SRPK2: variants seen among roughly 807,000 people sequenced by gnomAD.
The protein encoded by SRPK2 is SRSF protein kinase 2.
In SRPK2, 21 loss-of-function variants were observed where a neutral mutation model predicts 90.8. The observed-to-expected ratio is 0.23, with a 90% CI of 0.16 to 0.33. SRPK2 has a LOEUF of 0.33. Ranked by LOEUF, SRPK2 falls within the 10% of genes least tolerant of loss-of-function variation. The probability of loss-of-function intolerance (pLI) is 1.00; values close to 1 mark genes in which losing one functional copy is unlikely to be tolerated. For synonymous variants in SRPK2, 288 were observed against 311.1 expected, an observed-to-expected ratio of 0.93 and a Z score of 0.78; for missense variants, 620 against 869.0, an observed-to-expected ratio of 0.71 and a Z score of 3.60.
intron 11 of SRPK2, among the ~76,000 whole-genome samples, chr7:105,141,686 G>A (rs1317073892): frequency 1.3e-5 from 2 of 152,258 alleles, no homozygotes; most frequent in South Asian, 2.1e-4. Context: ...AAGAAGATAC[G>A]AATTTTAAAC....
At chr7:105,256,095 G>A (rs1260254439) in intron 2 of SRPK2, among the ~76,000 whole-genome samples, 1 of 152,148 alleles carries the variant, frequency 6.6e-6, no homozygotes, top group Admixed American at 6.5e-5. Context: ...GAAAAATCCA[G>A]AGACACACCT....
chr7:105,377,540 A>T (rs1321438953), intron 2 of SRPK2, among the ~76,000 whole-genome samples: 2 of 151,974 alleles, frequency 1.3e-5, no homozygotes, highest in Admixed American at 6.6e-5. Context: ...TGAAAAAAAA[A>T]AATACAAAAA....
intron 2 of SRPK2, among the ~76,000 whole-genome samples, chr7:105,352,133 C>T (rs1817271254): frequency 6.6e-6 from 1 of 152,124 alleles, no homozygotes; most frequent in Admixed American, 6.6e-5. Flanking sequence ...TAACTCTTCA[C>T]CACTGTTTCT....
intron 2 of SRPK2, among the ~76,000 whole-genome samples, chr7:105,255,015 TA>T (rs1803056006): frequency 6.6e-6 from 1 of 151,304 alleles, no homozygotes; most frequent in Non-Finnish European, 1.5e-5. Context: ...GATCTTAGAC[TA>T]AAACAAAAAA....
chr7:105,381,728 A>C (rs1360542079), intron 2 of SRPK2, among the ~76,000 whole-genome samples: 1 of 152,220 alleles, frequency 6.6e-6, no homozygotes, highest in Admixed American at 6.5e-5. Flanking sequence ...AATGTGTAAA[A>C]AAATAAGAAA....
rs573623496 is a variant in SRPK2 at position 105,171,757 on chromosome 7, T to C, written c.230-2492A>G. On this transcript the variant is annotated intron_variant, in intron 3 of 15. Transcript: ENST00000393651. ...AATCTCAAGGTGTATGACAACATTT[T>C]GGGCTAAATATATGAACTAAATGAT... Among the ~76,000 whole-genome samples the C allele has an allele frequency of 4.6e-5, 7 of 152,354 alleles. No homozygotes were observed. In the South Asian group the frequency reaches 1.4e-3, roughly 32 times the overall value.
Position 105,116,834 on chromosome 7 carries a change from A to T in SRPK2, c.*1004T>A, listed in dbSNP as rs1799675284. 2 of 152,242 alleles carry T rather than the reference A, an allele frequency of 1.3e-5. No homozygotes were observed. Among genetic ancestry groups the T allele is most frequent in the Non-Finnish European group, 1.5e-5 (1 of 68,032 alleles). 9.4% of individuals were successfully genotyped at this position (152,242 alleles called of 1,614,324 possible). ...CTGTTATCTTTGAGCTGTGAGAAGT[A>T]TTCTGCCCACTGCACTGCAAATTGT... On this transcript the variant is annotated 3_prime_UTR_variant, in exon 16 of 16. Transcript: ENST00000393651.
At chr7:105,286,420 T>TC (rs1403603122) in intron 2 of SRPK2, among the ~76,000 whole-genome samples, 2 of 152,234 alleles carry the variant, frequency 1.3e-5, no homozygotes, top group African/African-American at 4.8e-5. Context: ...ATATTAACTG[T>TC]CCATAAAGAA....
chr7:105,157,273 G>C (rs542524839), intron 7 of SRPK2, among the ~76,000 whole-genome samples: 2 of 152,160 alleles, frequency 1.3e-5, no homozygotes, highest in Non-Finnish European at 2.9e-5. Context: ...AGAATGACTG[G>C]AACATGGTCG....
chr7:105,357,274 T>C (rs1365883876), intron 2 of SRPK2, among the ~76,000 whole-genome samples: 1 of 151,994 alleles, frequency 6.6e-6, no homozygotes, highest in Non-Finnish European at 1.5e-5. Flanking sequence ...CTCCTGACCT[T>C]GTGATCCGCC....
chr7:105,254,230 T>C (rs1039352614), intron 2 of SRPK2, among the ~76,000 whole-genome samples: 2 of 152,174 alleles, frequency 1.3e-5, no homozygotes, highest in East Asian at 3.8e-4. Flanking sequence ...TTTACTAGAG[T>C]AAAGACCTAA....
intron 2 of SRPK2, among the ~76,000 whole-genome samples, chr7:105,318,917 A>G (rs1812601017): frequency 6.6e-6 from 1 of 152,188 alleles, no homozygotes; most frequent in African/African-American, 2.4e-5. Flanking sequence ...AAGAATAGAG[A>G]GTCACAAATC....
intron 1 of SRPK2, among the ~76,000 whole-genome samples, chr7:105,397,809 A>G (rs62484719): frequency 6.6e-6 from 1 of 151,308 alleles, no homozygotes; most frequent in East Asian, 1.9e-4. Flanking sequence ...ATGCCCTGCT[A>G]ATTTTTTTTT....
intron 2 of SRPK2, among the ~76,000 whole-genome samples, chr7:105,294,175 T>C (rs74932854): frequency 0.016 from 2,497 of 152,254 alleles, 77 homozygotes; most frequent in African/African-American, 0.057. Context: ...ATCCCCAAAG[T>C]TCAATGAATG....
chr7:105,272,768 A>G (rs1397329421), intron 2 of SRPK2, among the ~76,000 whole-genome samples: 1 of 152,152 alleles, frequency 6.6e-6, no homozygotes, highest in Admixed American at 6.6e-5. Flanking sequence ...CAGTCTCTGC[A>G]TGGCTTGAAT....
intron 2 of SRPK2, among the ~76,000 whole-genome samples, chr7:105,278,512 A>T: frequency 7.6e-6 from 1 of 131,200 alleles, no homozygotes; most frequent in South Asian, 2.8e-4. Flanking sequence ...ATCTCTAATA[A>T]AAATACAAAA....
chr7:105,335,869 T>A (rs940849567), intron 2 of SRPK2, among the ~76,000 whole-genome samples: 1 of 151,938 alleles, frequency 6.6e-6, no homozygotes, highest in Non-Finnish European at 1.5e-5. Context: ...GGCAGGAGAA[T>A]TGCTTGAAGC....
At chr7:105,225,698 T>C (rs544948563) in intron 2 of SRPK2, among the ~76,000 whole-genome samples, 36 of 152,324 alleles carry the variant, frequency 2.4e-4, no homozygotes, top group Admixed American at 2.2e-3. Flanking sequence ...AAACAAGCAT[T>C]CTTAAGACTG....
intron 6 of SRPK2, among the ~76,000 whole-genome samples, chr7:105,166,340 TA>T (rs757466627): frequency 1.4e-4 from 21 of 152,114 alleles, no homozygotes; most frequent in Non-Finnish European, 2.6e-4. Context: ...AGGAAATCTG[TA>T]TTAAGAAGTC....
Sources: allele counts gnomAD v4.1 joint callset (sites outside exome capture counted in the v4.1 genomes callset), GRCh38; gene constraint gnomAD v4.1.1; transcripts MANE v1.5; gene names NCBI Gene and HGNC (gene_info 2026-07-23, HGNC 2026-07-21).